The following PDE1C variants were observed in gnomAD, a reference collection of about 807,000 sequenced individuals.
The protein encoded by PDE1C is dual specificity calcium/calmodulin-dependent 3',5'-cyclic nucleotide phosphodiesterase 1C.
In PDE1C, 62 loss-of-function variants were observed where a neutral mutation model predicts 93.1. That is an observed-to-expected ratio of 0.67 (90% CI 0.54 to 0.82). PDE1C has a LOEUF of 0.82. PDE1C is among the 40% of genes least tolerant of loss of function. PDE1C has a pLI of 0.00. For synonymous variants in PDE1C, 325 were observed against 310.1 expected (o/e 1.05, Z -0.50); for missense variants, 742 against 884.6 (o/e 0.84, Z 2.04).
the PDE1C span, chr7:31,643,272 C>T: frequency 6.2e-6 from 10 of 1,613,750 alleles, no homozygotes; most frequent in Middle Eastern, 1.6e-4. Context: ...ACAGCTTACT[C>T]GTACCAGAAA....
chr7:32,095,781 G>A (rs763059826), intron 3 of PDE1C, among the ~76,000 whole-genome samples: 7 of 152,070 alleles, frequency 4.6e-5, no homozygotes, highest in South Asian at 2.1e-4. Flanking sequence ...CTATCCTTAC[G>A]CGATGTGAAT....
intron 3 of PDE1C, among the ~76,000 whole-genome samples, chr7:32,099,554 A>G (rs1797941594): frequency 6.6e-6 from 1 of 152,218 alleles, no homozygotes; most frequent in Non-Finnish European, 1.5e-5. Flanking sequence ...TACATTATAC[A>G]GTTAGATAAT....
intron 2 of PDE1C, among the ~76,000 whole-genome samples, chr7:31,967,673 C>T (rs1451407727): frequency 1.3e-5 from 2 of 152,146 alleles, no homozygotes; most frequent in Non-Finnish European, 1.5e-5. Flanking sequence ...GAATTTTAGA[C>T]CAATATCCTT....
In PDE1C at chr7:32,316,026, G is replaced by T. The variant is rs1008430743; in HGVS notation, c.311-106487C>A. Among the ~76,000 whole-genome samples the T allele has an allele frequency of 2.0e-5, 3 of 152,102 alleles. No homozygotes were observed. In the East Asian group the frequency reaches 5.8e-4, roughly 29 times the overall value. On this transcript the variant is annotated intron_variant, in intron 1 of 1. Transcript: ENST00000672256. Reference sequence around the variant, plus strand: ...AATATATATATGTTTTATAATTTAAGATAAATATTAAACTAAATTGTCCTA... The same window carrying T: ...AATATATATATGTTTTATAATTTAATATAAATATTAAACTAAATTGTCCTA...
chr7:32,044,473 T>C (rs1792251847), intron 2 of PDE1C, among the ~76,000 whole-genome samples: 1 of 151,916 alleles, frequency 6.6e-6, no homozygotes, highest in South Asian at 2.1e-4. Flanking sequence ...CCAATGGAGA[T>C]TTGTTGCTAT....
chr7:32,341,367 G>C (rs1783752488), intron 1 of PDE1C, among the ~76,000 whole-genome samples: 1 of 147,094 alleles, frequency 6.8e-6, no homozygotes, highest in African/African-American at 2.6e-5. Flanking sequence ...AGTAGAGACG[G>C]GGTTTCACCG....
intron 5 of PDE1C, among the ~76,000 whole-genome samples, chr7:31,874,767 G>T (rs12670337): frequency 0.091 from 13,826 of 152,256 alleles, 925 homozygotes; most frequent in East Asian, 0.25. Context: ...CAAAGAAATA[G>T]TGACAGGCAC....
intron 2 of PDE1C, among the ~76,000 whole-genome samples, chr7:32,203,579 T>C (rs1021185663): frequency 6.6e-6 from 1 of 152,264 alleles, no homozygotes; most frequent in African/African-American, 2.4e-5. Context: ...GGAAAATCTA[T>C]TTCCAAAAAT....
rs1055323594 is a variant in PDE1C, at chr7:31,787,907, A to G, written c.1892-12175T>C. The G allele has an allele frequency of 2.6e-5, 4 of 152,192 alleles. No individual in the cohort carries two copies. The South Asian group carries it at 8.3e-4, about 32-fold the overall frequency. The allele number at this position is 152,192 out of a possible 1,614,324, so 9.4% of individuals were successfully genotyped here. A position where few individuals can be genotyped will look rare whatever the true frequency, so the allele number is the denominator to read the frequency against. ...TATAATATAGCATTTTGTATTTTTA[A>G]TAGATAACTGCATTTTTACTCAATA... On this transcript the variant is annotated intron_variant, in intron 16 of 17. Coordinates refer to ENST00000396191, the MANE Select transcript of PDE1C (RefSeq NM_001191057.4).
the PDE1C span, among the ~76,000 whole-genome samples, chr7:31,720,023 C>T: frequency 7.3e-5 from 11 of 151,326 alleles, no homozygotes; most frequent in African/African-American, 1.2e-4. Context: ...ATTAGCCGGG[C>T]GCGGTGGCGG....
chr7:31,647,034 A>G, the PDE1C span, among the ~76,000 whole-genome samples: 1 of 152,250 alleles, frequency 6.6e-6, no homozygotes, highest in South Asian at 2.1e-4. Flanking sequence ...AAACATACAC[A>G]CATATACGTG....
intron 15 of PDE1C, 114 bp downstream of exon 15, chr7:31,815,810 G>A (rs1365237712): frequency 1.3e-6 from 1 of 782,182 alleles, no homozygotes; most frequent in South Asian, 1.6e-5. Context: ...AACTGGATGA[G>A]CAGGGAAGCC....
chr7:31,920,340 A>G (rs1232143139), intron 2 of PDE1C, among the ~76,000 whole-genome samples: 1 of 151,958 alleles, frequency 6.6e-6, no homozygotes, highest in Non-Finnish European at 1.5e-5. Context: ...CTAAATCTAC[A>G]CTATTCTGGA....
intron 1 of PDE1C, among the ~76,000 whole-genome samples, chr7:32,320,523 G>T (rs1217886639): frequency 1.3e-5 from 2 of 151,994 alleles, no homozygotes; most frequent in African/African-American, 4.8e-5. Context: ...AAAGTGGGGG[G>T]AAAAAGGTAG....
In PDE1C at chr7:31,917,058, C is replaced by T. The variant is rs538326989; in HGVS notation, c.129-36198G>A. Among the ~76,000 whole-genome samples the T allele has an allele frequency of 2.0e-5, 3 of 152,096 alleles. No individual in the cohort carries two copies. The South Asian group carries it at 6.2e-4, about 32-fold the overall frequency. On this transcript the variant is annotated intron_variant, in intron 2 of 17. Coordinates refer to ENST00000396191, the MANE Select transcript of PDE1C (RefSeq NM_001191057.4). Reference sequence around the variant, plus strand: ...AGAAACTTAAGTGGCTCAAGAAGACCCAGCAGCTCAAAATGAGGCAGTACC... The same window carrying T: ...AGAAACTTAAGTGGCTCAAGAAGACTCAGCAGCTCAAAATGAGGCAGTACC...
chr7:32,385,526 G>A (rs1245568654), intron 1 of PDE1C, among the ~76,000 whole-genome samples: 2 of 152,136 alleles, frequency 1.3e-5, no homozygotes, highest in Non-Finnish European at 2.9e-5. Context: ...AAGCATGATT[G>A]GGACCTGCTG....
intron 2 of PDE1C, among the ~76,000 whole-genome samples, chr7:32,006,707 G>C (rs538863641): frequency 1.3e-5 from 2 of 152,364 alleles, no homozygotes; most frequent in South Asian, 4.1e-4. Flanking sequence ...GGCAAGCTGG[G>C]TATGGAAGAA....
At chr7:31,817,363 T>C (rs965033306) in intron 14 of PDE1C, among the ~76,000 whole-genome samples, 1 of 152,030 alleles carries the variant, frequency 6.6e-6, no homozygotes, top group African/African-American at 2.4e-5. Context: ...TCAAAGAACA[T>C]TGAGTATGGT....
chr7:31,638,841 A>ACC, the PDE1C span, among the ~76,000 whole-genome samples: 1 of 152,088 alleles, frequency 6.6e-6, no homozygotes, highest in Non-Finnish European at 1.5e-5. Flanking sequence ...GAGTGACCCA[A>ACC]TCTCAGCTTA....
Sources: allele counts gnomAD v4.1 joint callset (sites outside exome capture counted in the v4.1 genomes callset), GRCh38; gene constraint gnomAD v4.1.1; transcripts MANE v1.5; gene names NCBI Gene and HGNC (gene_info 2026-07-23, HGNC 2026-07-21).